KPNA4: variants seen among roughly 807,000 people sequenced by gnomAD.
The protein encoded by KPNA4 is karyopherin subunit alpha 4.
A neutral mutation model predicts 71.3 loss-of-function variants in KPNA4; 13 were observed. The observed-to-expected ratio is 0.18, with a 90% CI of 0.12 to 0.29. The LOEUF (loss-of-function observed/expected upper bound fraction) is 0.29. Among genes scored for constraint, KPNA4 ranks in the 10% least tolerant of loss-of-function variants. KPNA4 has a pLI of 1.00. For missense variants in KPNA4, 334 were observed against 603.2 expected, an observed-to-expected ratio of 0.55 and a Z score of 4.67; for synonymous variants, 189 against 195.2, an observed-to-expected ratio of 0.97 and a Z score of 0.26.
intron 7 of KPNA4, among the ~76,000 whole-genome samples, chr3:160,528,776 T>TCA (rs1052835317): frequency 6.6e-6 from 1 of 152,196 alleles, no homozygotes; most frequent in East Asian, 1.9e-4. Context: ...ATTCTGTTAC[T>TCA]CAACAGGATG....
chr3:160,532,349 A>G (rs80087291), intron 5 of KPNA4, among the ~76,000 whole-genome samples: 2,569 of 152,306 alleles, frequency 0.017, 59 homozygotes, highest in African/African-American at 0.047. Flanking sequence ...GTCTGCTGAA[A>G]TATGTTATAG....
intron 7 of KPNA4, 148 bp downstream of exon 7, chr3:160,530,707 G>C: frequency 1.8e-6 from 1 of 563,094 alleles, no homozygotes; most frequent in Non-Finnish European, 3.1e-6. Context: ...GAAGATTAAA[G>C]TAACATACTT....
At position 160,565,543 on chromosome 3, in the gene KPNA4, C is replaced by A; in HGVS notation, c.-261G>T. The A allele has an allele frequency of 3.7e-6, 2 of 535,794 alleles. No individual in the cohort carries two copies. The highest frequency in any genetic ancestry group is 6.5e-6 in the Non-Finnish European group (2 of 305,956). 33.2% of individuals were successfully genotyped at this position (535,794 alleles called of 1,614,324 possible). On this transcript the variant is annotated 5_prime_UTR_variant, in exon 1 of 17. Coordinates refer to ENST00000334256, the MANE Select transcript of KPNA4 (RefSeq NM_002268.5). ...GCGGCAAGGCGACGGAATGTGCTGC[C>A]GGCTGAGAGGGGGAGGCAGCCTCGA...
chr3:160,533,795 A>T (rs1721622020), intron 5 of KPNA4, among the ~76,000 whole-genome samples: 1 of 152,174 alleles, frequency 6.6e-6, no homozygotes, highest in South Asian at 2.1e-4. Context: ...ATACCCATGA[A>T]ATTGTCTTGG....
At chr3:160,507,453 T>C (rs1038864911) in intron 15 of KPNA4, among the ~76,000 whole-genome samples, 3 of 149,914 alleles carry the variant, frequency 2.0e-5, no homozygotes, top group South Asian at 2.1e-4. Flanking sequence ...TGAGCCGAGA[T>C]TGTGCCATTG....
rs1318667752 is a variant in KPNA4 at position 160,554,888 on chromosome 3, A to C, written c.69+10326T>G. ...CTTTGTAATATAGTTTATTTTAAAA[A>C]ATCAGCAAACATAAGGAGAGTGCTT... On this transcript the variant is annotated intron_variant, in intron 1 of 16. Coordinates refer to ENST00000334256, the MANE Select transcript of KPNA4 (RefSeq NM_002268.5). Among the ~76,000 whole-genome samples the C allele has an allele frequency of 2.0e-5, 3 of 152,258 alleles. No homozygotes were observed. In the South Asian group the frequency reaches 6.2e-4, roughly 32 times the overall value.
Position 160,501,251 on chromosome 3 carries a change from AG to A in KPNA4, c.*852del, listed in dbSNP as rs1388386676. 6.6e-6 allele frequency: 1 copy of A among 151,978 alleles called. No homozygotes were observed. Among genetic ancestry groups the A allele is most frequent in the Non-Finnish European group, 1.5e-5 (1 of 67,940 alleles). The allele number at this position is 151,978 out of a possible 1,614,324, so 9.4% of individuals were successfully genotyped here. A position where few individuals can be genotyped will look rare whatever the true frequency, so the allele number is the denominator to read the frequency against. ...TCTGACTTGAGAAGCAACTAAAAAA[AG>A]GCATACTAGGTAAAGTAAATAAAAA... On this transcript the variant is annotated 3_prime_UTR_variant, in exon 17 of 17. Coordinates refer to ENST00000334256, the MANE Select transcript of KPNA4 (RefSeq NM_002268.5).
intron 8 of KPNA4, among the ~76,000 whole-genome samples, chr3:160,526,381 C>T (rs1475155365): frequency 6.6e-6 from 1 of 152,182 alleles, no homozygotes; most frequent in Non-Finnish European, 1.5e-5. Flanking sequence ...CAACAATACT[C>T]TTGGTTTAAC....
chr3:160,540,288 C>G (rs1221390719), intron 1 of KPNA4, among the ~76,000 whole-genome samples: 1 of 152,086 alleles, frequency 6.6e-6, no homozygotes. Flanking sequence ...CGTGAGCCAC[C>G]GCGCCTGACC....
At chr3:160,510,369 G>T (rs1472997106) in intron 13 of KPNA4, among the ~76,000 whole-genome samples, 2 of 152,038 alleles carry the variant, frequency 1.3e-5, no homozygotes, top group Admixed American at 1.3e-4. Context: ...TCATTTTTGA[G>T]AATTTACCAA....
intron 2 of KPNA4, among the ~76,000 whole-genome samples, 179 bp from the exon 3 acceptor site, chr3:160,536,076 G>T (rs181023455): frequency 6.6e-6 from 1 of 151,994 alleles, no homozygotes; most frequent in East Asian, 1.9e-4. Flanking sequence ...AACCACTCAC[G>T]CAACACTAAT....
At chr3:160,514,847 G>C (rs1721172071) in intron 12 of KPNA4, 1 of 433,126 alleles carries the variant, frequency 2.3e-6, no homozygotes, top group African/African-American at 2.0e-5. Flanking sequence ...TATAATCATA[G>C]ATAACTAATA....
At chr3:160,529,720 A>G (rs1721531178) in intron 7 of KPNA4, among the ~76,000 whole-genome samples, 1 of 152,144 alleles carries the variant, frequency 6.6e-6, no homozygotes, top group Non-Finnish European at 1.5e-5. Flanking sequence ...CTTACTTCCA[A>G]TAATTTTCCA....
chr3:160,539,342 GGTAA>G (rs1560052562), intron 1 of KPNA4, among the ~76,000 whole-genome samples: 1 of 152,010 alleles, frequency 6.6e-6, no homozygotes, highest in African/African-American at 2.4e-5. Context: ...TAAATACTAC[GGTAA>G]GTGTTAACAT....
intron 1 of KPNA4, among the ~76,000 whole-genome samples, chr3:160,563,710 T>C (rs1722288325): frequency 6.6e-6 from 1 of 152,218 alleles, no homozygotes; most frequent in African/African-American, 2.4e-5. Context: ...AAAAACATTT[T>C]CACCACATTC....
In KPNA4 at chr3:160,514,093, A is replaced by G. The variant is rs1226539528; in HGVS notation, c.1121T>C (p.Ile374Thr). 16 of 1,575,504 alleles carry G rather than the reference A, an allele frequency of 1.0e-5. No individual in the cohort carries two copies. Among genetic ancestry groups the G allele is most frequent in the Non-Finnish European group, 1.0e-5 (12 of 1,166,708 alleles). ...TTTTCTTACCTTATCCAAAAGGTGT[A>G]TTATCATTGGTACAAGATTGGCATC... ...VIDANLVPMI[I>T]HLLDKGDFGT... The change falls in exon 13 of 17, where the codon ATA (isoleucine) becomes ACA (threonine). Residue 374 changes from isoleucine to threonine, a missense_variant. By Grantham distance (89) the Ile-to-Thr change is moderately conservative (BLOSUM62 -1). Transcript: ENST00000334256.
chr3:160,513,364 T>TC (rs528408257), intron 13 of KPNA4, among the ~76,000 whole-genome samples: 162 of 145,222 alleles, frequency 1.1e-3, no homozygotes, highest in African/African-American at 3.7e-3. Context: ...CAAATGATCC[T>TC]CCCACCGTAG....
At chr3:160,551,085 T>C (rs1478047378) in intron 1 of KPNA4, among the ~76,000 whole-genome samples, 1 of 152,158 alleles carries the variant, frequency 6.6e-6, no homozygotes, top group Admixed American at 6.6e-5. Context: ...TTTAAATGTT[T>C]GGTAGAATTC....
chr3:160,516,300 C>T (rs1412203939), intron 11 of KPNA4, among the ~76,000 whole-genome samples: 2 of 150,762 alleles, frequency 1.3e-5, no homozygotes, highest in Non-Finnish European at 2.9e-5. Context: ...CTCCAAGAAA[C>T]CTATTCTTTT....
Sources: gnomAD v4.1 joint callset for allele counts (sites outside exome capture counted in the v4.1 genomes callset) on GRCh38, gnomAD v4.1.1 for gene constraint, MANE v1.5 for transcripts, NCBI Gene and HGNC (gene_info 2026-07-23, HGNC 2026-07-21) for gene names.